ANKFN1: variants seen among roughly 807,000 people sequenced by gnomAD.
ANKFN1 encodes ankyrin repeat and fibronectin type-III domain-containing protein 1.
ANKFN1 carries 74 observed loss-of-function variants against 108.7 expected under a neutral mutation model. The ratio of observed to expected loss-of-function variants is 0.68; its 90% CI spans 0.56 to 0.83. The LOEUF is 0.83. ANKFN1 is among the 40% of genes least tolerant of loss of function. The probability of loss-of-function intolerance (pLI) is 0.00; values close to 1 mark genes in which losing one functional copy is unlikely to be tolerated. For synonymous variants in ANKFN1, 547 were observed against 516.2 expected (o/e 1.06, Z -0.81); for missense variants, 1,505 against 1,382.3 (o/e 1.09, Z -1.41).
At chr17:56,505,499 C>T (rs1344076761) in intron 20 of ANKFN1, among the ~76,000 whole-genome samples, 1 of 152,158 alleles carries the variant, frequency 6.6e-6, no homozygotes, top group African/African-American at 2.4e-5. Context: ...TCTACACATC[C>T]CTTTGCTTAA....
chr17:56,050,972 C>T (rs1187571458), intron 4 of ANKFN1, among the ~76,000 whole-genome samples: 7 of 131,934 alleles, frequency 5.3e-5, no homozygotes, highest in Non-Finnish European at 9.6e-5. Flanking sequence ...GATTCACAGC[C>T]GAATTCTACC....
At chr17:56,087,574 G>C (rs9901788) in intron 4 of ANKFN1, among the ~76,000 whole-genome samples, 1 of 150,630 alleles carries the variant, frequency 6.6e-6, no homozygotes, top group East Asian at 1.9e-4. Flanking sequence ...CTAGCCTCCA[G>C]AAAATTTTTC....
intron 3 of ANKFN1, among the ~76,000 whole-genome samples, chr17:56,240,721 A>G (rs547486264): frequency 7.9e-5 from 12 of 152,210 alleles, no homozygotes; most frequent in Non-Finnish European, 1.8e-4. Context: ...TTTTTCTTCA[A>G]TATGATGGGA....
chr17:56,202,201 G>A (rs548750911), intron 1 of ANKFN1, among the ~76,000 whole-genome samples: 49 of 152,276 alleles, frequency 3.2e-4, no homozygotes, highest in African/African-American at 1.1e-3. Flanking sequence ...TAACCCTCAT[G>A]GTACCCAGAG....
chr17:56,322,631 T>C (rs1019839117), intron 3 of ANKFN1, among the ~76,000 whole-genome samples: 2 of 152,240 alleles, frequency 1.3e-5, no homozygotes, highest in Non-Finnish European at 2.9e-5. Context: ...CCCGGAACTC[T>C]ATGCCTTGAC....
At chr17:56,442,729 G>C in intron 9 of ANKFN1, 114 bp from the exon 10 acceptor site, 1 of 884,178 alleles carries the variant, frequency 1.1e-6, no homozygotes, top group Non-Finnish European at 1.7e-6. Context: ...GGGCAACAGA[G>C]TTCCAAAGAG....
chr17:56,345,359 G>A (rs1430365752), intron 4 of ANKFN1, among the ~76,000 whole-genome samples: 1 of 152,124 alleles, frequency 6.6e-6, no homozygotes, highest in African/African-American at 2.4e-5. Context: ...ACATACATGT[G>A]CATGTGTCTT....
intron 10 of ANKFN1, among the ~76,000 whole-genome samples, chr17:56,447,465 G>A (rs1294393538): frequency 6.6e-6 from 1 of 152,098 alleles, no homozygotes; most frequent in Non-Finnish European, 1.5e-5. Context: ...TATATGAAAT[G>A]AGCAATATAT....
At chr17:56,484,259 G>T (rs1235768454) in intron 18 of ANKFN1, among the ~76,000 whole-genome samples, 1 of 152,082 alleles carries the variant, frequency 6.6e-6, no homozygotes, top group African/African-American at 2.4e-5. Flanking sequence ...AATATCTCCA[G>T]CATCAGGCTG....
At chr17:56,359,031 C>T (rs576876301) in intron 6 of ANKFN1, among the ~76,000 whole-genome samples, 4 of 152,282 alleles carry the variant, frequency 2.6e-5, no homozygotes, top group East Asian at 1.9e-4. Context: ...AAGAAACCAG[C>T]TCTTTTGCCT....
chr17:56,322,141 A>G (rs535339836), intron 3 of ANKFN1, among the ~76,000 whole-genome samples: 8 of 152,178 alleles, frequency 5.3e-5, no homozygotes. Flanking sequence ...TCTTAAAAAA[A>G]AGAGCACAGA....
At chr17:56,197,726 T>C (rs1440589161) in intron 1 of ANKFN1, among the ~76,000 whole-genome samples, 1 of 152,250 alleles carries the variant, frequency 6.6e-6, no homozygotes, top group Admixed American at 6.5e-5. Flanking sequence ...TGGATTTATA[T>C]CCTTCAAAGA....
At chr17:56,216,520 G>C (rs1380654697) in intron 2 of ANKFN1, among the ~76,000 whole-genome samples, 2 of 152,194 alleles carry the variant, frequency 1.3e-5, no homozygotes, top group African/African-American at 2.4e-5. Context: ...CAGTCAAACA[G>C]CTCTTACTCT....
At chr17:56,230,630 T>A (rs1448538578) in intron 3 of ANKFN1, among the ~76,000 whole-genome samples, 1 of 152,020 alleles carries the variant, frequency 6.6e-6, no homozygotes, top group East Asian at 1.9e-4. Context: ...TTCTTTCTTT[T>A]CTTTTCAACC....
chr17:56,126,163 A>G (rs546707256), intron 4 of ANKFN1, among the ~76,000 whole-genome samples: 72 of 152,338 alleles, frequency 4.7e-4, no homozygotes, highest in African/African-American at 1.6e-3. Context: ...GAGTGGCCCA[A>G]ATAAAAGTCA....
At position 56,480,773 on chromosome 17, in the gene ANKFN1, G is replaced by T; in HGVS notation, c.2046G>T (p.Met682Ile). 6.2e-7 allele frequency: 1 copy of T among 1,614,008 alleles called. No homozygotes were observed. Among genetic ancestry groups the T allele is most frequent in the Non-Finnish European group, 8.5e-7 (1 of 1,179,960 alleles). The stretch of plus-strand genomic sequence containing the variant: ...AATTGTTCTTCTACGAGCTCCAGAT[G>T]GCAGTGAAAGCTCTCCTTCAGCAGA... ...PMQLFFYELQ[M>I]AVKALLQQIN... The change falls in exon 17 of 21, where the codon ATG becomes ATT. Residue 682 changes from methionine to isoleucine, a missense_variant. Coordinates refer to ENST00000682825, the MANE Select transcript of ANKFN1 (RefSeq NM_001370326.1).
chr17:56,164,225 T>C (rs1909945267), intron 1 of ANKFN1, among the ~76,000 whole-genome samples: 1 of 151,700 alleles, frequency 6.6e-6, no homozygotes, highest in East Asian at 1.9e-4. Flanking sequence ...CTCCGTTGCA[T>C]TCCACCCTCC....
chr17:56,134,396 A>T (rs924329212), intron 4 of ANKFN1, among the ~76,000 whole-genome samples: 7 of 152,132 alleles, frequency 4.6e-5, no homozygotes, highest in Non-Finnish European at 8.8e-5. Context: ...TCTCCGGAGA[A>T]TGGGGGCTGG....
chr17:56,269,419 G>T (rs1465336931), intron 3 of ANKFN1, among the ~76,000 whole-genome samples: 2 of 152,148 alleles, frequency 1.3e-5, no homozygotes, highest in African/African-American at 4.8e-5. Flanking sequence ...TGGAGGAGTT[G>T]TCACCCATTT....
Sources: allele counts gnomAD v4.1 joint callset (sites outside exome capture counted in the v4.1 genomes callset), GRCh38; gene constraint gnomAD v4.1.1; transcripts MANE v1.5; gene names NCBI Gene and HGNC (gene_info 2026-07-23, HGNC 2026-07-21).